FHIP2A: variants seen among roughly 807,000 people sequenced by gnomAD.
FHIP2A encodes FHF complex subunit HOOK interacting protein 2A, also known as family with sequence similarity 160 member B1.
FHIP2A carries 46 observed loss-of-function variants against 93.5 expected under a neutral mutation model. The observed-to-expected ratio is 0.49, with a 90% CI of 0.39 to 0.63. The LOEUF is 0.63. FHIP2A is among the 20% of genes least tolerant of loss of function. The probability of loss-of-function intolerance (pLI) is 0.00; values close to 1 mark genes in which losing one functional copy is unlikely to be tolerated. For synonymous variants in FHIP2A, 332 were observed against 326.5 expected (o/e 1.02, Z -0.18); for missense variants, 769 against 909.7 (o/e 0.85, Z 1.99).
At chr10:114,830,316 A>G (rs58234105) in intron 1 of FHIP2A, among the ~76,000 whole-genome samples, 1 of 135,792 alleles carries the variant, frequency 7.4e-6, no homozygotes, top group Admixed American at 8.4e-5. Context: ...TCTGTCATCC[A>G]GGCTGGAGTG....
chr10:114,886,129 T>G (rs1057098518), intron 16 of FHIP2A, among the ~76,000 whole-genome samples: 1 of 152,208 alleles, frequency 6.6e-6, no homozygotes, highest in East Asian at 1.9e-4. Flanking sequence ...TTAACACTTA[T>G]GAAGAGCTAG....
chr10:114,885,769 C>T lies in FHIP2A; in HGVS notation c.2193-13721C>T, dbSNP rs537794682. On this transcript the variant is annotated intron_variant, in intron 16 of 16. Coordinates refer to the FHIP2A transcript ENST00000369250. ...AATAATCATCTCTCATTTTTCTCTT[C>T]TGTGGCTGTGGGTATTGGAAGACCC... Among the ~76,000 whole-genome samples the T allele has an allele frequency of 1.1e-4, 17 of 152,276 alleles. No individual in the cohort carries two copies. In the South Asian group the frequency reaches 3.3e-3, roughly 30 times the overall value.
intron 15 of FHIP2A, 45 bp downstream of exon 15, chr10:114,860,934 T>G (rs774367776): frequency 6.4e-7 from 1 of 1,550,560 alleles, no homozygotes; most frequent in Non-Finnish European, 8.9e-7. Context: ...GATAAATCTG[T>G]GCAATTAATA....
exon 17 of FHIP2A, chr10:114,899,570 T>C (rs191918828): frequency 1.4e-6 from 1 of 716,874 alleles, no homozygotes. Flanking sequence ...CAAAAGAATC[T>C]CGATGGTTTC....
intron 5 of FHIP2A, among the ~76,000 whole-genome samples, chr10:114,838,305 A>G (rs531446631): frequency 6.6e-6 from 1 of 152,258 alleles, no homozygotes; most frequent in Non-Finnish European, 1.5e-5. Context: ...TTAGGTAAGC[A>G]GTTAAGCTGT....
chr10:114,835,623 C>A lies in FHIP2A; in HGVS notation c.381C>A (p.Asn127Lys). ...GGCAGCCACTACTTCCACACATTAA[C>A]GTGCACAGGCCAGTGCAGGTATTTT... ...RIRQPLLPHINVHRPVQKLIR... is the reference protein window; with the variant it reads ...RIRQPLLPHIKVHRPVQKLIR... The change falls in exon 4 of 17, where the codon AAC becomes AAA. Residue 127 changes from asparagine (N) to lysine (K), a missense_variant. Asn to Lys is a moderately conservative substitution (Grantham distance 94). Coordinates refer to ENST00000369248, the MANE Select transcript of FHIP2A (RefSeq NM_020940.4). The A allele has an allele frequency of 6.2e-7, 1 of 1,610,420 alleles. No individual in the cohort carries two copies. The highest frequency in any genetic ancestry group is 8.5e-7 in the Non-Finnish European group (1 of 1,176,926).
chr10:114,881,539 A>G (rs2143015192), intron 16 of FHIP2A, among the ~76,000 whole-genome samples: 1 of 152,230 alleles, frequency 6.6e-6, no homozygotes, highest in East Asian at 1.9e-4. Context: ...TGGGACCTTC[A>G]TTCCAGATTT....
In FHIP2A at chr10:114,856,264, C is replaced by A. The variant is rs1245578439; in HGVS notation, c.1947+924C>A. On this transcript the variant is annotated intron_variant, in intron 14 of 16. Transcript: ENST00000369248. ...AGAGTTTAGTCAGCGTTGTTTCTGA[C>A]GGTAATCTCTATAAGAGACCAGGTC... Among the ~76,000 whole-genome samples the A allele has an allele frequency of 2.0e-5, 3 of 151,960 alleles. No homozygotes were observed. The East Asian group carries it at 5.8e-4, about 29-fold the overall frequency.
rs144444534 is a variant in FHIP2A at position 114,870,822 on chromosome 10, A to T, written c.2192+9488A>T. On this transcript the variant is annotated intron_variant, in intron 16 of 16. Coordinates refer to the FHIP2A transcript ENST00000369250. ...CTGTTCCAAATCCACTCCTCTATGT[A>T]CTGCTTTGTGTTGCTAGGCTAGGAC... Among the ~76,000 whole-genome samples the T allele has an allele frequency of 6.8e-3, 1,031 of 152,190 alleles. 7 individuals carry two copies. Among genetic ancestry groups the T allele is most frequent in the African/African-American group, 0.024 (991 of 41,492 alleles).
In FHIP2A at chr10:114,834,841, A is replaced by G. The variant is rs570228374; in HGVS notation, c.295-696A>G. 6.6e-5 allele frequency among the ~76,000 whole-genome samples: 10 copies of G among 152,272 alleles called. No homozygotes were observed. The South Asian group carries it at 2.1e-3, about 32-fold the overall frequency. On this transcript the variant is annotated intron_variant, in intron 3 of 16. Transcript: ENST00000369248. ...ATGGGTTTGAACTGTGTAGGTCCAC[A>G]TATAGGCAGAATTTTTGCAACCAAA...
chr10:114,847,728 C>T (rs1296980420), intron 12 of FHIP2A, among the ~76,000 whole-genome samples: 3 of 151,016 alleles, frequency 2.0e-5, no homozygotes, highest in Non-Finnish European at 4.4e-5. Context: ...GTTAAATGAA[C>T]CCTCAAAGTT....
In FHIP2A at chr10:114,862,180, A is replaced by C; in HGVS notation, c.*640A>C. ...TATAATATATCTATATTTTTAAAGAAATGTTCTTTTACTCTTTTGTGCACA... is the reference window on the plus strand; with the variant it reads ...TATAATATATCTATATTTTTAAAGACATGTTCTTTTACTCTTTTGTGCACA... On this transcript the variant is annotated 3_prime_UTR_variant, in exon 17 of 17. Transcript: ENST00000369248. 1 of 940,808 alleles carries C rather than the reference A, an allele frequency of 1.1e-6. No homozygotes were observed. The highest frequency in any genetic ancestry group is 1.3e-6 in the Non-Finnish European group (1 of 789,046). 58.3% of individuals were successfully genotyped at this position (940,808 alleles called of 1,614,324 possible).
Position 114,830,893 on chromosome 10 carries a change from C to T in FHIP2A, c.87C>T (p.His29=). The change falls in exon 2 of 17, where the codon CAC becomes CAT. Residue 29 remains histidine (H), a synonymous_variant. Transcript: ENST00000369248. ...CTTTACAAGAAGATTTTGTTTATCA[C>T]TGGAAGGCAATTACCCATTACTACA... ...SLPLQEDFVY[H]WKAITHYYIE... is the part of the protein sequence containing the mutation. The T allele has an allele frequency of 6.2e-7, 1 of 1,609,932 alleles. No homozygotes were observed. Among genetic ancestry groups the T allele is most frequent in the Non-Finnish European group, 8.5e-7 (1 of 1,177,750 alleles).
At chr10:114,885,739 G>A (rs1474848911) in intron 16 of FHIP2A, among the ~76,000 whole-genome samples, 1 of 152,192 alleles carries the variant, frequency 6.6e-6, no homozygotes, top group African/African-American at 2.4e-5. Flanking sequence ...TGAAGCTCCT[G>A]CAGGAATAAT....
At chr10:114,876,435 C>CGGG (rs2083889686) in intron 16 of FHIP2A, among the ~76,000 whole-genome samples, 1 of 152,206 alleles carries the variant, frequency 6.6e-6, no homozygotes, top group Non-Finnish European at 1.5e-5. Context: ...CCCACATCAC[C>CGGG]TCCCCGAGCC....
At chr10:114,841,987 C>A (rs1327844328) in intron 5 of FHIP2A, among the ~76,000 whole-genome samples, 1 of 152,170 alleles carries the variant, frequency 6.6e-6, no homozygotes, top group Non-Finnish European at 1.5e-5. Flanking sequence ...GGAGCACCAG[C>A]ATTTCAAGCA....
Position 114,855,398 on chromosome 10 carries a change from A to C in FHIP2A, c.1947+58A>C, listed in dbSNP as rs574472835. 25 of 1,411,824 alleles carry C rather than the reference A, an allele frequency of 1.8e-5. No homozygotes were observed. In the African/African-American group the frequency reaches 3.4e-4, roughly 19 times the overall value. The allele number at this position is 1,411,824 out of a possible 1,614,324, so 87.5% of individuals were successfully genotyped here. A position where few individuals can be genotyped will look rare whatever the true frequency, so the allele number is the denominator to read the frequency against. On this transcript the variant is annotated intron_variant, in intron 14 of 16. Coordinates refer to ENST00000369248, the MANE Select transcript of FHIP2A (RefSeq NM_020940.4). The stretch of plus-strand genomic sequence containing the variant: ...TTTTTTTGCCATTCACCACAGAATC[A>C]TCTCAAGTCTTAGTAGATCTTCAAT...
Position 114,860,892 on chromosome 10 carries a change from G to GAGTT in FHIP2A, c.2088+5_2088+8dup. 1 of 1,612,570 alleles carries GAGTT rather than the reference G, an allele frequency of 6.2e-7. No individual in the cohort carries two copies. The highest frequency in any genetic ancestry group is 8.5e-7 in the Non-Finnish European group (1 of 1,178,754). ...CTCTCTTCTCTGTAATTGTCAGGGT[G>GAGTT]AGTTACTAGTTCTGTTATATTCCCT... is the stretch of plus-strand genomic sequence containing the variant. On this transcript the variant is annotated splice_donor_region_variant and intron_variant, in intron 15 of 16. Transcript: ENST00000369248.
At chr10:114,849,688 C>T (rs962435787) in intron 13 of FHIP2A, among the ~76,000 whole-genome samples, 17 of 152,058 alleles carry the variant, frequency 1.1e-4, no homozygotes, top group African/African-American at 3.9e-4. Context: ...GTTATGCAAC[C>T]ATCATCACTA....
Sources: gnomAD v4.1 joint callset for allele counts (sites outside exome capture counted in the v4.1 genomes callset) on GRCh38, gnomAD v4.1.1 for gene constraint, MANE v1.5 for transcripts, NCBI Gene and HGNC (gene_info 2026-07-23, HGNC 2026-07-21) for gene names.